The following MAN1A1 variants were observed in gnomAD, a reference collection of about 807,000 sequenced individuals.
The protein encoded by MAN1A1 is mannosyl-oligosaccharide 1,2-alpha-mannosidase IA.
In MAN1A1, 29 loss-of-function variants were observed where a neutral mutation model predicts 70.8. The ratio of observed to expected loss-of-function variants is 0.41; its 90% CI spans 0.31 to 0.56. The LOEUF (loss-of-function observed/expected upper bound fraction) is 0.56, where lower values mean the gene tolerates loss of function less well. MAN1A1 is among the 20% of genes least tolerant of loss of function. The pLI is 0.29. For missense variants in MAN1A1, 747 were observed against 841.3 expected, an observed-to-expected ratio of 0.89 and a Z score of 1.39; for synonymous variants, 349 against 330.1, an observed-to-expected ratio of 1.06 and a Z score of -0.62.
chr6:119,307,745 T>A (rs1772571719), intron 2 of MAN1A1, among the ~76,000 whole-genome samples: 1 of 152,188 alleles, frequency 6.6e-6, no homozygotes, highest in Admixed American at 6.5e-5. Flanking sequence ...TATTTTTGTA[T>A]GCATATTTTT....
At chr6:119,242,612 T>C (rs1775043319) in intron 6 of MAN1A1, among the ~76,000 whole-genome samples, 2 of 152,202 alleles carry the variant, frequency 1.3e-5, no homozygotes, top group Admixed American at 6.5e-5. Flanking sequence ...TAATGAAATA[T>C]TGAGAATAGA....
intron 4 of MAN1A1, among the ~76,000 whole-genome samples, chr6:119,298,056 T>C (rs886773063): frequency 6.6e-6 from 1 of 152,166 alleles, no homozygotes; most frequent in African/African-American, 2.4e-5. Context: ...TAAGGGTAAA[T>C]GCCTGATCCT....
At chr6:119,346,173 C>T (rs531894056) in intron 2 of MAN1A1, among the ~76,000 whole-genome samples, 1 of 152,280 alleles carries the variant, frequency 6.6e-6, no homozygotes, top group East Asian at 1.9e-4. Context: ...TGGTTGATAA[C>T]AAAATGTCCA....
chr6:119,241,110 A>G (rs1774992149), intron 6 of MAN1A1, among the ~76,000 whole-genome samples: 1 of 152,108 alleles, frequency 6.6e-6, no homozygotes, highest in Non-Finnish European at 1.5e-5. Context: ...TTTCCCCTCT[A>G]TGCTAAAAAT....
intron 5 of MAN1A1, among the ~76,000 whole-genome samples, chr6:119,262,652 A>C (rs979672226): frequency 5.3e-5 from 8 of 152,184 alleles, no homozygotes; most frequent in South Asian, 2.1e-4. Flanking sequence ...AGGAATATAA[A>C]TTGTTCTACC....
Position 119,283,031 on chromosome 6 carries a change from C to T in MAN1A1, c.897+7652G>A, listed in dbSNP as rs530081665. Among the ~76,000 whole-genome samples, 6 of 152,302 alleles carry T rather than the reference C, an allele frequency of 3.9e-5. No homozygotes were observed. The South Asian group carries it at 1.2e-3, about 32-fold the overall frequency. The stretch of plus-strand genomic sequence containing the variant: ...AGTAATGATATAATCTACAAATAGT[C>T]TCCAGCTGATTTTCAAAACTTTCTT... On this transcript the variant is annotated intron_variant, in intron 5 of 12. Transcript: ENST00000368468.
At position 119,177,572 on chromosome 6, in the gene MAN1A1, A is replaced by G. The variant is rs1229823422; in HGVS notation, c.*2247T>C. ...ACAGTTTTGTTGAAAATAAGTTTCAACAATAAGACTTCAGTTGTTAAAATT... is the reference window on the plus strand; with the variant it reads ...ACAGTTTTGTTGAAAATAAGTTTCAGCAATAAGACTTCAGTTGTTAAAATT... On this transcript the variant is annotated 3_prime_UTR_variant, in exon 13 of 13. Transcript: ENST00000368468. 1 of 152,138 alleles carries G rather than the reference A, an allele frequency of 6.6e-6. No homozygotes were observed. The highest frequency in any genetic ancestry group is 2.4e-5 in the African/African-American group (1 of 41,474). 9.4% of individuals were successfully genotyped at this position (152,138 alleles called of 1,614,324 possible).
chr6:119,248,118 A>T, intron 6 of MAN1A1, 142 bp downstream of exon 6: 1 of 607,510 alleles, frequency 1.6e-6, no homozygotes. Flanking sequence ...AGCTGCCAAC[A>T]AAAAGACAGA....
intron 2 of MAN1A1, among the ~76,000 whole-genome samples, chr6:119,329,456 C>A (rs762395769): frequency 1.1e-4 from 11 of 97,450 alleles, no homozygotes; most frequent in Non-Finnish European, 2.2e-4. Flanking sequence ...TAATAAATAT[C>A]CCCCCCCCAC....
At chr6:119,265,401 A>ATTAAAATTC (rs1334095093) in intron 5 of MAN1A1, among the ~76,000 whole-genome samples, 1 of 152,196 alleles carries the variant, frequency 6.6e-6, no homozygotes, top group Admixed American at 6.5e-5. Flanking sequence ...GCCTGGCCTC[A>ATTAAAATTC]TTAAAATTCT....
chr6:119,229,933 A>G (rs1368083862), intron 6 of MAN1A1, among the ~76,000 whole-genome samples: 1 of 152,230 alleles, frequency 6.6e-6, no homozygotes, highest in East Asian at 1.9e-4. Context: ...ATCTGAAACA[A>G]GTGAACAGAA....
At chr6:119,260,976 G>GCTTTATT (rs1554209499) in intron 5 of MAN1A1, among the ~76,000 whole-genome samples, 6 of 116,952 alleles carry the variant, frequency 5.1e-5, no homozygotes, top group African/African-American at 2.0e-4. Context: ...TTTTTTTATT[G>GCTTTATT]TTTTTTTTTT....
At chr6:119,259,968 TA>T (rs1156648223) in intron 5 of MAN1A1, among the ~76,000 whole-genome samples, 2 of 152,200 alleles carry the variant, frequency 1.3e-5, no homozygotes, top group African/African-American at 4.8e-5. Context: ...CTTAAGTGTC[TA>T]AATGGTATTG....
At chr6:119,241,580 TG>T (rs1414214531) in intron 6 of MAN1A1, among the ~76,000 whole-genome samples, 1 of 152,198 alleles carries the variant, frequency 6.6e-6, no homozygotes, top group Non-Finnish European at 1.5e-5. Context: ...TCCTGGCAAT[TG>T]TTATATATTC....
intron 6 of MAN1A1, among the ~76,000 whole-genome samples, chr6:119,236,579 G>A (rs1774850710): frequency 6.6e-6 from 1 of 151,946 alleles, no homozygotes; most frequent in Non-Finnish European, 1.5e-5. Context: ...GGGGTGGTGG[G>A]TGCCTATAAT....
Position 119,284,549 on chromosome 6 carries a change from TA to T in MAN1A1, c.897+6133del, listed in dbSNP as rs1301198745. ...AATCTATTTATATTCTTATTTTTGT[TA>T]CGTCTTTTTGTTTTTTTTCCCCTAA... On this transcript the variant is annotated intron_variant, in intron 5 of 12. Transcript: ENST00000368468. 2.0e-5 allele frequency among the ~76,000 whole-genome samples: 3 copies of T among 152,214 alleles called. No individual in the cohort carries two copies. The East Asian group carries it at 5.8e-4, about 29-fold the overall frequency.
chr6:119,254,703 G>A (rs1189213049), intron 5 of MAN1A1, among the ~76,000 whole-genome samples: 1 of 152,158 alleles, frequency 6.6e-6, no homozygotes, highest in Admixed American at 6.5e-5. Context: ...ATCAGTTTGG[G>A]ATGGGCAGAC....
chr6:119,180,273 G>A (rs1390708774), intron 12 of MAN1A1, 39 bp downstream of exon 12: 3 of 1,384,330 alleles, frequency 2.2e-6, no homozygotes, highest in Non-Finnish European at 2.1e-6. Flanking sequence ...ATCTGTTCAG[G>A]TACCTTAGCC....
chr6:119,284,702 TGTTAA>T (rs1450071820), intron 5 of MAN1A1, among the ~76,000 whole-genome samples: 5 of 152,168 alleles, frequency 3.3e-5, no homozygotes, highest in East Asian at 1.9e-4. Flanking sequence ...ATACTGTAGT[TGTTAA>T]GTTGTCTAAT....
Sources: allele counts gnomAD v4.1 joint callset (sites outside exome capture counted in the v4.1 genomes callset), GRCh38; gene constraint gnomAD v4.1.1; transcripts MANE v1.5; gene names NCBI Gene and HGNC (gene_info 2026-07-23, HGNC 2026-07-21).